DLGAP2: variants seen among roughly 807,000 people sequenced by gnomAD.
DLGAP2 encodes disks large-associated protein 2.
DLGAP2 carries 26 observed loss-of-function variants against 100.3 expected under a neutral mutation model. The ratio of observed to expected loss-of-function variants is 0.26; its 90% CI spans 0.19 to 0.36. The LOEUF (loss-of-function observed/expected upper bound fraction) is 0.36, where lower values mean the gene tolerates loss of function less well. Ranked by LOEUF, DLGAP2 falls within the 10% of genes least tolerant of loss-of-function variation. DLGAP2 has a pLI of 1.00. For synonymous variants in DLGAP2, 886 were observed against 630.1 expected, an observed-to-expected ratio of 1.41 and a Z score of -6.08; for missense variants, 1,858 against 1,453.2, an observed-to-expected ratio of 1.28 and a Z score of -4.53.
intron 3 of DLGAP2, among the ~76,000 whole-genome samples, chr8:1,436,900 C>T (rs543684393): frequency 5.1e-4 from 78 of 152,374 alleles, no homozygotes; most frequent in African/African-American, 1.8e-3. Flanking sequence ...AGATACACAA[C>T]TTCTTACCCC....
At chr8:1,027,562 C>T (rs1801841025) in intron 2 of DLGAP2, among the ~76,000 whole-genome samples, 1 of 140,250 alleles carries the variant, frequency 7.1e-6, no homozygotes, top group African/African-American at 2.7e-5. Context: ...GGTGGGGTGC[C>T]AAGCGCCCGT....
intron 3 of DLGAP2, among the ~76,000 whole-genome samples, chr8:1,311,436 G>C (rs1020483954): frequency 6.6e-6 from 1 of 152,220 alleles, no homozygotes; most frequent in Admixed American, 6.5e-5. Context: ...CTTGAGGCCA[G>C]CATTACCGTG....
At chr8:993,605 G>C (rs1400446714) in intron 2 of DLGAP2, among the ~76,000 whole-genome samples, 6 of 152,020 alleles carry the variant, frequency 3.9e-5, no homozygotes, top group Non-Finnish European at 2.9e-5. Context: ...TCCTATTGCT[G>C]ATGCCTGGTG....
chr8:799,817 G>A (rs896833398), intron 1 of DLGAP2, among the ~76,000 whole-genome samples: 8 of 152,114 alleles, frequency 5.3e-5, no homozygotes, highest in African/African-American at 1.9e-4. Context: ...GGCTGATTGC[G>A]AGCTCCTGGG....
chr8:1,518,775 G>C (rs967591707), intron 4 of DLGAP2, among the ~76,000 whole-genome samples: 3 of 152,096 alleles, frequency 2.0e-5, no homozygotes, highest in African/African-American at 7.2e-5. Context: ...AAACCATATC[G>C]AACCCATGTT....
chr8:1,127,149 C>G (rs1238069659), intron 2 of DLGAP2, among the ~76,000 whole-genome samples: 4 of 150,412 alleles, frequency 2.7e-5, no homozygotes, highest in Admixed American at 2.0e-4. Flanking sequence ...CATGAGGGAC[C>G]CCACCCTGTC....
At chr8:1,316,052 A>T (rs867997897) in intron 3 of DLGAP2, among the ~76,000 whole-genome samples, 3 of 139,372 alleles carry the variant, frequency 2.2e-5, no homozygotes, top group South Asian at 2.5e-4. Context: ...GCTTTTAAAA[A>T]TAGAGCGTGT....
At position 1,708,152 on chromosome 8, in the gene DLGAP2, G is replaced by C. The variant is rs7830545; in HGVS notation, c.*6746G>C. ...TCCGCCATAACCGTCCTGTGACGATGCCTCCATTTGACTTCTGTATCGCTG... is the reference window on the plus strand; with the variant it reads ...TCCGCCATAACCGTCCTGTGACGATCCCTCCATTTGACTTCTGTATCGCTG... On this transcript the variant is annotated 3_prime_UTR_variant, in exon 15 of 15. Coordinates refer to ENST00000637795, the MANE Select transcript of DLGAP2 (RefSeq NM_001346810.2). 0.13 allele frequency: 19,968 copies of C among 152,216 alleles called. 1,471 individuals are homozygous for C. Among genetic ancestry groups the C allele is most frequent in the Admixed American group, 0.21 (3,193 of 15,276 alleles). The allele number at this position is 152,216 out of a possible 1,614,324, so 9.4% of individuals were successfully genotyped here.
At chr8:1,116,435 G>T (rs1196575638) in intron 2 of DLGAP2, among the ~76,000 whole-genome samples, 1 of 152,168 alleles carries the variant, frequency 6.6e-6, no homozygotes, top group Non-Finnish European at 1.5e-5. Flanking sequence ...GGCATTGAGG[G>T]TTTTCTTATT....
intron 1 of DLGAP2, among the ~76,000 whole-genome samples, chr8:811,843 G>A (rs555879043): frequency 3.6e-4 from 55 of 152,354 alleles, no homozygotes; most frequent in Admixed American, 1.5e-3. Flanking sequence ...CCACGGCTTC[G>A]CTGAGCCATG....
intron 3 of DLGAP2, among the ~76,000 whole-genome samples, chr8:1,273,418 T>G (rs1232068998): frequency 6.6e-6 from 1 of 152,090 alleles, no homozygotes. Flanking sequence ...GCTTATGGAG[T>G]GGAGACCCAG....
chr8:1,364,111 G>A (rs1802050339), intron 3 of DLGAP2, among the ~76,000 whole-genome samples: 1 of 152,084 alleles, frequency 6.6e-6, no homozygotes, highest in South Asian at 2.1e-4. Context: ...ACAGCTCTCG[G>A]CCCCACCCAC....
intron 2 of DLGAP2, among the ~76,000 whole-genome samples, chr8:1,190,108 G>A (rs528069592): frequency 3.9e-5 from 6 of 152,264 alleles, no homozygotes; most frequent in Middle Eastern, 3.4e-3. Flanking sequence ...GACTCTTACT[G>A]CTAATAATAA....
chr8:1,146,553 C>T (rs780764982), intron 2 of DLGAP2, among the ~76,000 whole-genome samples: 22 of 150,966 alleles, frequency 1.5e-4, no homozygotes, highest in Non-Finnish European at 3.0e-4. Context: ...ATCTCTGGAA[C>T]TGTGTGTGTG....
At chr8:1,033,150 C>T (rs1802020750) in intron 2 of DLGAP2, among the ~76,000 whole-genome samples, 1 of 152,120 alleles carries the variant, frequency 6.6e-6, no homozygotes, top group African/African-American at 2.4e-5. Flanking sequence ...AGGCACTGAC[C>T]TTCCTCTGCA....
intron 8 of DLGAP2, among the ~76,000 whole-genome samples, chr8:1,647,462 C>G (rs1258481640): frequency 8.3e-6 from 1 of 120,226 alleles, no homozygotes; most frequent in Admixed American, 1.2e-4. Flanking sequence ...GCACTCCAGC[C>G]TGGGAGACAG....
intron 1 of DLGAP2, among the ~76,000 whole-genome samples, chr8:875,985 C>T (rs887606513): frequency 9.2e-5 from 14 of 152,200 alleles, no homozygotes; most frequent in Admixed American, 3.3e-4. Context: ...CGCAACAGCA[C>T]ATTGTTATAA....
chr8:1,307,354 A>G (rs1353371414), intron 3 of DLGAP2, among the ~76,000 whole-genome samples: 1 of 152,232 alleles, frequency 6.6e-6, no homozygotes. Flanking sequence ...AAACAACAAC[A>G]ATGAAAAGAA....
chr8:926,949 T>TG, intron 2 of DLGAP2: 2 of 861,380 alleles, frequency 2.3e-6, no homozygotes, highest in Non-Finnish European at 2.8e-6. Context: ...CTCTGCGCTG[T>TG]GGGGGTGGGG....
Sources: gnomAD v4.1 joint callset for allele counts (sites outside exome capture counted in the v4.1 genomes callset) on GRCh38, gnomAD v4.1.1 for gene constraint, MANE v1.5 for transcripts, NCBI Gene and HGNC (gene_info 2026-07-23, HGNC 2026-07-21) for gene names.